The following MMP12 variants were observed in gnomAD, a reference collection of about 807,000 sequenced individuals.
MMP12 encodes the protein matrix metallopeptidase 12, also known as macrophage metalloelastase.
Under a neutral mutation model 45.2 loss-of-function variants are expected in MMP12, and 51 were observed. That is an observed-to-expected ratio of 1.13 (90% CI 0.90 to 1.42). The LOEUF (loss-of-function observed/expected upper bound fraction) is 1.42. Ranked by LOEUF, MMP12 falls within the 40% of genes most tolerant of loss-of-function variation. MMP12 has a pLI of 0.00. For synonymous variants in MMP12, 210 were observed against 193.3 expected (o/e 1.09, Z -0.72); for missense variants, 530 against 570.8 (o/e 0.93, Z 0.73).
At chr11:102,864,759 C>T (rs28381692) in intron 8 of MMP12, among the ~76,000 whole-genome samples, 1 of 152,194 alleles carries the variant, frequency 6.6e-6, no homozygotes, top group Non-Finnish European at 1.5e-5. Context: ...CTCTTAAATT[C>T]TCTTTTACCA....
At chr11:102,868,595 A>AT (rs1555008959) in intron 4 of MMP12, among the ~76,000 whole-genome samples, 1 of 152,214 alleles carries the variant, frequency 6.6e-6, no homozygotes, top group Non-Finnish European at 1.5e-5. Context: ...TAAGGCTATC[A>AT]TTAAGTTTCA....
At chr11:102,870,407 A>G (rs1253087711) in intron 4 of MMP12, among the ~76,000 whole-genome samples, 1 of 152,250 alleles carries the variant, frequency 6.6e-6, no homozygotes, top group South Asian at 2.1e-4. Context: ...GCCTTAGGCT[A>G]TGTGTTAGAC....
intron 1 of MMP12, among the ~76,000 whole-genome samples, chr11:102,874,431 T>C (rs1555009818): frequency 6.6e-6 from 1 of 152,112 alleles, no homozygotes; most frequent in East Asian, 1.9e-4. Context: ...TGACTGAGGG[T>C]AAAGGGAATA....
In MMP12 at chr11:102,871,668, G is replaced by T. The variant is rs1859498987; in HGVS notation, c.551C>A (p.Ala184Asp). The T allele has an allele frequency of 6.3e-7, 1 of 1,598,468 alleles. No individual in the cohort carries two copies. Among genetic ancestry groups the T allele is most frequent in the Non-Finnish European group, 8.5e-7 (1 of 1,171,694 alleles). The change falls in exon 4 of 10, where the codon GCT (alanine) becomes GAT (aspartate). Residue 184 changes from alanine to aspartate, a missense_variant. Ala to Asp is a moderately radical substitution (Grantham distance 126). Coordinates refer to ENST00000571244, the MANE Select transcript of MMP12 (RefSeq NM_002426.6). ...FDGKGGILAH[A>D]FGPGSGIGGD... ...TCCAATGCCAGATCCAGGTCCAAAAGCATGGGCTAGGATTCCACCTTTGCC... is the reference window on the plus strand; with the variant it reads ...TCCAATGCCAGATCCAGGTCCAAAATCATGGGCTAGGATTCCACCTTTGCC...
intron 5 of MMP12, 32 bp downstream of exon 5, chr11:102,867,876 T>A: frequency 6.3e-7 from 1 of 1,587,352 alleles, no homozygotes. Flanking sequence ...CGAGTATCTT[T>A]ATATGGCAAA....
intron 4 of MMP12, among the ~76,000 whole-genome samples, chr11:102,870,807 T>C (rs1591120714): frequency 6.6e-6 from 1 of 152,246 alleles, no homozygotes; most frequent in Admixed American, 6.5e-5. Flanking sequence ...CTTGTGTTTC[T>C]CTATAGGGAT....
Position 102,867,921 on chromosome 11 carries a change from A to G in MMP12, c.774T>C (p.Ile258=), listed in dbSNP as rs782472277. The part of the protein sequence containing the change: ...FRLSADDIRG[I]QSLYGDPKEN... ...AATTCAACTCACCATACAGGGACTG[A>G]ATGCCACGTATGTCATCAGCAGAGA... Residue 258 remains isoleucine, a synonymous_variant, in exon 5 of 10, where the codon ATT becomes ATC. Coordinates refer to ENST00000571244, the MANE Select transcript of MMP12 (RefSeq NM_002426.6). The G allele has an allele frequency of 2.5e-6, 4 of 1,609,892 alleles. No individual in the cohort carries two copies. The highest frequency in any genetic ancestry group is 3.4e-6 in the Non-Finnish European group (4 of 1,178,232).
intron 2 of MMP12, among the ~76,000 whole-genome samples, 153 bp from the exon 3 acceptor site, chr11:102,872,105 A>AT (rs1350911602): frequency 1.3e-5 from 2 of 152,116 alleles, no homozygotes; most frequent in Non-Finnish European, 2.9e-5. Flanking sequence ...CTACAGAAAC[A>AT]TTTTTTCTTG....
In MMP12 at chr11:102,871,947, T is replaced by C; in HGVS notation, c.356A>G (p.Asn119Ser). The change falls in exon 3 of 10, where the codon AAT becomes AGT. Residue 119 changes from asparagine to serine, a missense_variant. Coordinates refer to ENST00000571244, the MANE Select transcript of MMP12 (RefSeq NM_002426.6). ...WRKHYITYRI[N>S]NYTPDMNRED... ...ACGGTTCATGTCAGGTGTGTAATTA[T>C]TGATTCTTTATCAGCAAAAAGAGAG... The C allele has an allele frequency of 6.8e-6, 11 of 1,605,948 alleles. No homozygotes were observed. The highest frequency in any genetic ancestry group is 9.3e-6 in the Non-Finnish European group (11 of 1,177,150).
rs189491487 is a variant in MMP12, at chr11:102,865,291, G to C, written c.1205+485C>G. Among the ~76,000 whole-genome samples, 1 of 152,280 alleles carries C rather than the reference G, an allele frequency of 6.6e-6. No homozygotes were observed. The highest frequency in any genetic ancestry group is 2.4e-5 in the African/African-American group (1 of 41,560). On this transcript the variant is annotated intron_variant, in intron 8 of 9. Coordinates refer to ENST00000571244, the MANE Select transcript of MMP12 (RefSeq NM_002426.6). This position sits in a 1 kb window ranked among gnomAD's most constrained non-coding sequence, Gnocchi z 4.1. Reference sequence around the variant, plus strand: ...GTAGACAATTGAGACAACAGAGACAGACACTCAAATGAGCTCCTATCCTCA... The same window carrying C: ...GTAGACAATTGAGACAACAGAGACACACACTCAAATGAGCTCCTATCCTCA...
chr11:102,872,078 A>G (rs190322730), intron 2 of MMP12, 126 bp from the exon 3 acceptor site: 2 of 1,098,362 alleles, frequency 1.8e-6, no homozygotes, highest in East Asian at 5.5e-5. Flanking sequence ...TCCAGATTTT[A>G]AAACTTGCTT....
At chr11:102,866,967 C>T (rs1859399298) in intron 6 of MMP12, among the ~76,000 whole-genome samples, 1 of 152,154 alleles carries the variant, frequency 6.6e-6, no homozygotes, top group Non-Finnish European at 1.5e-5. Context: ...TGGTTTCAGA[C>T]TTCACCATTT....
intron 1 of MMP12, 85 bp downstream of exon 1, chr11:102,874,739 GCAAACAAACAAA>G (rs28360358): frequency 8.8e-6 from 7 of 795,958 alleles, no homozygotes; most frequent in East Asian, 8.3e-5. Flanking sequence ...ATACGTAAAA[GCAAACAAACAAA>G]CAAACAAACA....
chr11:102,866,134 C>T (rs1045699361), intron 7 of MMP12, among the ~76,000 whole-genome samples, 181 bp downstream of exon 7: 1 of 151,820 alleles, frequency 6.6e-6, no homozygotes, highest in Non-Finnish European at 1.5e-5. Context: ...CAAACTTTTC[C>T]CAGAAGTTGT....
At position 102,868,014 on chromosome 11, in the gene MMP12, G is replaced by A; in HGVS notation, c.681C>T (p.Gly227=). The A allele has an allele frequency of 6.2e-7, 1 of 1,605,022 alleles. No homozygotes were observed. Among genetic ancestry groups the A allele is most frequent in the Admixed American group, 1.7e-5 (1 of 58,676 alleles). The change falls in exon 5 of 10, where the codon GGC becomes GGT. Residue 227 remains glycine (G), a synonymous_variant. Coordinates refer to ENST00000571244, the MANE Select transcript of MMP12 (RefSeq NM_002426.6). The part of the protein sequence containing the change: ...VHEIGHSLGL[G]HSSDPKAVMF... ...TTACGGCCTTTGGATCACTAGAATG[G>A]CCAAGACCTAAGGAATGGCCAATCT...
Position 102,871,940 on chromosome 11 carries a change from G to A in MMP12, c.363C>T (p.Tyr121=). The change falls in exon 3 of 10, where the codon TAC becomes TAT. Residue 121 remains tyrosine (Y), a synonymous_variant. Coordinates refer to ENST00000571244, the MANE Select transcript of MMP12 (RefSeq NM_002426.6). ...CATCCTCACGGTTCATGTCAGGTGT[G>A]TAATTATTGATTCTTTATCAGCAAA... ...KHYITYRINN[Y]TPDMNREDVD... 1.2e-6 allele frequency: 2 copies of A among 1,607,170 alleles called. No homozygotes were observed. The highest frequency in any genetic ancestry group is 2.2e-5 in the South Asian group (2 of 89,244).
At chr11:102,863,413 A>T (rs1256229793) in intron 9 of MMP12, among the ~76,000 whole-genome samples, 2 of 152,134 alleles carry the variant, frequency 1.3e-5, no homozygotes, top group Non-Finnish European at 2.9e-5. Context: ...ACAAGACCTC[A>T]TCTCTATTTT....
In MMP12 at chr11:102,867,301, C is replaced by T. The variant is rs782418524; in HGVS notation, c.880G>A (p.Val294Met). The T allele has an allele frequency of 1.4e-5, 22 of 1,606,726 alleles. No individual in the cohort carries two copies. Among genetic ancestry groups the T allele is most frequent in the South Asian group, 3.4e-5 (3 of 89,394 alleles). ...TTGAAGAAAAAGATCTTATTTCCCA[C>T]GGTAGTGACAGCATCAAAACTCAAA... ...PNLSFDAVTTVGNKIFFFKDR... is the reference protein window; with the variant it reads ...PNLSFDAVTTMGNKIFFFKDR... The change falls in exon 6 of 10, where the codon GTG (valine) becomes ATG (methionine). Residue 294 changes from valine (V) to methionine (M), a missense_variant. Transcript: ENST00000571244.
Position 102,867,326 on chromosome 11 carries a change from A to G in MMP12, c.855T>C (p.Asn285=). 1 of 1,610,904 alleles carries G rather than the reference A, an allele frequency of 6.2e-7. No individual in the cohort carries two copies. Among genetic ancestry groups the G allele is most frequent in the South Asian group, 1.1e-5 (1 of 90,260 alleles). The part of the protein sequence containing the change: ...DNSEPALCDP[N]LSFDAVTTVG... ...CGGTAGTGACAGCATCAAAACTCAA[A>G]TTGGGGTCACAGAGAGCTGGTTCTG... The change falls in exon 6 of 10, where the codon AAT becomes AAC. Residue 285 remains asparagine, a synonymous_variant. Coordinates refer to ENST00000571244, the MANE Select transcript of MMP12 (RefSeq NM_002426.6).
Sources: gnomAD v4.1 joint callset for allele counts (sites outside exome capture counted in the v4.1 genomes callset) on GRCh38, gnomAD v4.1.1 for gene constraint, Gnocchi (gnomAD v3.1) non-coding constraint, MANE v1.5 for transcripts, NCBI Gene and HGNC (gene_info 2026-07-23, HGNC 2026-07-21) for gene names.